Variants in TMEM184B observed in about 807,000 individuals in gnomAD.
TMEM184B encodes putative MAPK-activating protein FM08.
TMEM184B carries 17 observed loss-of-function variants against 41.8 expected under a neutral mutation model. That is an observed-to-expected ratio of 0.41 (90% CI 0.28 to 0.61). The LOEUF (loss-of-function observed/expected upper bound fraction) is 0.61, where lower values mean the gene tolerates loss of function less well. Among genes scored for constraint, TMEM184B ranks in the 20% least tolerant of loss-of-function variants. The probability of loss-of-function intolerance (pLI) is 0.34; values close to 1 mark genes in which losing one functional copy is unlikely to be tolerated. For missense variants in TMEM184B, 393 were observed against 557.8 expected, an observed-to-expected ratio of 0.70 and a Z score of 2.98; for synonymous variants, 240 against 229.5, an observed-to-expected ratio of 1.05 and a Z score of -0.41.
rs771466900 is a variant in TMEM184B, at chr22:38,247,827, G to A, written c.135C>T (p.Ala45=). The A allele has an allele frequency of 1.7e-4, 278 of 1,613,842 alleles. No homozygotes were observed. Among genetic ancestry groups the A allele is most frequent in the Non-Finnish European group, 2.1e-4 (247 of 1,179,992 alleles). ...MEQPVFLMTT[A]AQAISGFFVW... ...CGAAGAAGCCAGAGATGGCCTGAGC[G>A]GCAGTTGTCATCAGGAACACAGGCT... Residue 45 remains alanine (A), a synonymous_variant, in exon 2 of 9, where the codon GCC becomes GCT. Coordinates refer to ENST00000361906, the MANE Select transcript of TMEM184B (RefSeq NM_012264.5).
intron 3 of TMEM184B, among the ~76,000 whole-genome samples, chr22:38,234,402 ATTT>A (rs2091717101): frequency 6.6e-6 from 1 of 152,064 alleles, no homozygotes; most frequent in South Asian, 2.1e-4. Flanking sequence ...CCTTCAGGTG[ATTT>A]GCCCCAGCCT....
intron 8 of TMEM184B, 49 bp from the exon 9 acceptor site, chr22:38,221,759 G>A (rs1476535613): frequency 3.1e-6 from 5 of 1,598,476 alleles, no homozygotes; most frequent in African/African-American, 1.3e-5. Context: ...GGGACGGTGA[G>A]AGGGAGGTGG....
chr22:38,251,896 GTTT>G (rs561046707), intron 1 of TMEM184B, among the ~76,000 whole-genome samples: 2 of 141,674 alleles, frequency 1.4e-5, no homozygotes. Context: ...AGATGATGCT[GTTT>G]TTTTTTTTTT....
At chr22:38,249,445 T>C (rs1030778090) in intron 1 of TMEM184B, among the ~76,000 whole-genome samples, 2 of 152,216 alleles carry the variant, frequency 1.3e-5, no homozygotes, top group Non-Finnish European at 2.9e-5. Context: ...TCACTGTGCC[T>C]GGCCTATCTA....
rs2091453119 is a variant in TMEM184B at position 38,226,790 on chromosome 22, A to G, written c.606T>C (p.Asp202=). The G allele has an allele frequency of 6.2e-7, 1 of 1,602,294 alleles. No individual in the cohort carries two copies. The highest frequency in any genetic ancestry group is 1.1e-5 in the South Asian group (1 of 88,784). ...CACCCGCTGCTTACTCAAAGTCCCC[A>G]TCCCGGTACTTGCCGAAGGCCTGGA... is the stretch of plus-strand genomic sequence containing the variant. ...VVLQAFGKYR[D]GDFDVTSGYL... The change falls in exon 6 of 9, where the codon GAT becomes GAC. Residue 202 remains aspartate, a synonymous_variant. Coordinates refer to ENST00000361906, the MANE Select transcript of TMEM184B (RefSeq NM_012264.5). This position sits in a 1 kb window ranked among gnomAD's most constrained non-coding sequence, Gnocchi z 4.6.
intron 3 of TMEM184B, among the ~76,000 whole-genome samples, chr22:38,237,979 T>C (rs1222068408): frequency 2.0e-5 from 3 of 151,880 alleles, no homozygotes; most frequent in Non-Finnish European, 4.4e-5. Context: ...TTTGTATTTT[T>C]AGTAGAGATG....
intron 1 of TMEM184B, among the ~76,000 whole-genome samples, chr22:38,269,601 G>A (rs2092492004): frequency 6.6e-6 from 1 of 152,174 alleles, no homozygotes; most frequent in South Asian, 2.1e-4. Flanking sequence ...GAAGGCCAAG[G>A]TGGAAGGATC....
intron 1 of TMEM184B, among the ~76,000 whole-genome samples, chr22:38,256,976 A>ATTTTTTTTT (rs2092290013): frequency 2.2e-5 from 3 of 138,596 alleles, no homozygotes; most frequent in African/African-American, 8.9e-5. Context: ...GGACATTAAT[A>ATTTTTTTTT]GTTTTTTTTT....
At chr22:38,265,127 G>T (rs2092425671) in intron 1 of TMEM184B, among the ~76,000 whole-genome samples, 1 of 152,122 alleles carries the variant, frequency 6.6e-6, no homozygotes, top group African/African-American at 2.4e-5. Context: ...CACATGCTCT[G>T]GGAAGTGGTC....
chr22:38,244,925 T>C (rs1243944545), intron 3 of TMEM184B, among the ~76,000 whole-genome samples: 1 of 152,194 alleles, frequency 6.6e-6, no homozygotes, highest in Non-Finnish European at 1.5e-5. Flanking sequence ...GGTGACTGTT[T>C]AGGGGCCACA....
intron 1 of TMEM184B, among the ~76,000 whole-genome samples, chr22:38,265,651 C>T (rs1337067029): frequency 6.6e-6 from 1 of 152,202 alleles, no homozygotes; most frequent in East Asian, 1.9e-4. Context: ...CAAAGCCCCA[C>T]AAATTCCAAT....
Position 38,220,359 on chromosome 22 carries a change from G to C in TMEM184B, c.*1110C>G, listed in dbSNP as rs1602347329. ...TGTGGGACAGATGGGGAGCCAGGGAGGGGCGCTTTCATATGTGACTAAGGC... is the reference window on the plus strand; with the variant it reads ...TGTGGGACAGATGGGGAGCCAGGGACGGGCGCTTTCATATGTGACTAAGGC... On this transcript the variant is annotated 3_prime_UTR_variant, in exon 9 of 9. Transcript: ENST00000361906. 3.0e-6 allele frequency: 3 copies of C among 986,150 alleles called. No homozygotes were observed. The highest frequency in any genetic ancestry group is 3.6e-6 in the Non-Finnish European group (3 of 830,192). The allele number at this position is 986,150 out of a possible 1,614,324, so 61.1% of individuals were successfully genotyped here.
Position 38,224,887 on chromosome 22 carries a change from A to T in TMEM184B, c.880T>A (p.Tyr294Asn). Residue 294 changes from tyrosine to asparagine, a missense_variant, in exon 8 of 9, where the codon TAC becomes AAC. Tyr to Asn is a moderately radical substitution (Grantham distance 143). Transcript: ENST00000361906. ...SVGEGTVAAG[Y>N]QDFIICVEMF... ...TCCACACAGATGATGAAGTCCTGGT[A>T]GCCGGCAGCCACGGTGCCCTCGCCC... 6.2e-7 allele frequency: 1 copy of T among 1,613,520 alleles called. No homozygotes were observed. Among genetic ancestry groups the T allele is most frequent in the Non-Finnish European group, 8.5e-7 (1 of 1,179,932 alleles).
chr22:38,224,068 T>C (rs2091347485), intron 8 of TMEM184B: 1 of 152,218 alleles, frequency 6.6e-6, no homozygotes, highest in Non-Finnish European at 1.5e-5. Flanking sequence ...AGAAAGCTGT[T>C]AAAACCTATT....
intron 3 of TMEM184B, among the ~76,000 whole-genome samples, chr22:38,237,509 C>A (rs2091805459): frequency 6.6e-6 from 1 of 152,266 alleles, no homozygotes; most frequent in South Asian, 2.1e-4. Context: ...ATGGCCCAGC[C>A]TTCTGCTGCA....
At position 38,247,810 on chromosome 22, in the gene TMEM184B, C is replaced by A; in HGVS notation, c.152G>T (p.Gly51Val). 6.2e-7 allele frequency: 1 copy of A among 1,614,016 alleles called. No individual in the cohort carries two copies. The highest frequency in any genetic ancestry group is 8.5e-7 in the Non-Finnish European group (1 of 1,180,006). ...LMTTAAQAIS[G>V]FFVWTALLIT... ...GAGCAGGGCCGTCCACACGAAGAAG[C>A]CAGAGATGGCCTGAGCGGCAGTTGT... Residue 51 changes from glycine (G) to valine (V), a missense_variant, in exon 2 of 9, where the codon GGC becomes GTC. Gly to Val is a moderately radical substitution (Grantham distance 109, BLOSUM62 -3). This residue lies in a region of TMEM184B where 122 missense variants were observed against 123.7 expected (regional missense o/e 0.99). Transcript: ENST00000361906.
chr22:38,217,194 A>C (rs1439624002), downstream of TMEM184B, among the ~76,000 whole-genome samples: 19 of 151,616 alleles, frequency 1.3e-4, no homozygotes, highest in Non-Finnish European at 2.7e-4. Context: ...ACAACAAAAA[A>C]AAAACATGGC....
chr22:38,247,457 C>T (rs143309297), intron 2 of TMEM184B, among the ~76,000 whole-genome samples: 133 of 152,352 alleles, frequency 8.7e-4, no homozygotes, highest in Middle Eastern at 3.4e-3. Flanking sequence ...GGCAAGAAAG[C>T]GACTTCTTGG....
intron 1 of TMEM184B, among the ~76,000 whole-genome samples, chr22:38,271,369 G>T (rs536035256): frequency 2.0e-5 from 3 of 152,182 alleles, no homozygotes; most frequent in Non-Finnish European, 2.9e-5. Flanking sequence ...GGCTTGCCAC[G>T]TATCGTGGAG....
Sources: gnomAD v4.1 joint callset for allele counts (sites outside exome capture counted in the v4.1 genomes callset) on GRCh38, gnomAD v4.1.1 for gene constraint, gnomAD v4.1.1 regional missense constraint, Gnocchi (gnomAD v3.1) non-coding constraint, MANE v1.5 for transcripts, NCBI Gene and HGNC (gene_info 2026-07-23, HGNC 2026-07-21) for gene names.